YARS1: variants seen among roughly 807,000 people sequenced by gnomAD.
The protein encoded by YARS1 is tyrosyl-tRNA synthetase 1, also known as tyrosine--tRNA ligase, cytoplasmic.
YARS1 carries 36 observed loss-of-function variants against 62.2 expected under a neutral mutation model. The ratio of observed to expected loss-of-function variants is 0.58; its 90% CI spans 0.44 to 0.76. The LOEUF is 0.76. Ranked by LOEUF, YARS1 falls within the 30% of genes least tolerant of loss-of-function variation. The pLI is 0.00. For synonymous variants in YARS1, 234 were observed against 244.9 expected, an observed-to-expected ratio of 0.96 and a Z score of 0.42; for missense variants, 524 against 639.8, an observed-to-expected ratio of 0.82 and a Z score of 1.95.
intron 5 of YARS1, 197 bp downstream of exon 5, chr1:32,797,565 AC>A (rs1653646330): frequency 1.7e-6 from 1 of 603,076 alleles, no homozygotes; most frequent in Non-Finnish European, 3.0e-6. Flanking sequence ...AGATCTGGGT[AC>A]TAATAATTCC....
At chr1:32,784,273 C>T (rs1447469664) in intron 8 of YARS1, among the ~76,000 whole-genome samples, 1 of 151,950 alleles carries the variant, frequency 6.6e-6, no homozygotes, top group Admixed American at 6.6e-5. Flanking sequence ...CCTTGGCCTC[C>T]CAAAGTGCTG....
intron 6 of YARS1, chr1:32,790,803 A>G (rs1653390601): frequency 7.4e-6 from 2 of 271,332 alleles, no homozygotes; most frequent in African/African-American, 4.5e-5. Flanking sequence ...ATATTAAAAG[A>G]TATCATAATA....
At position 32,817,261 on chromosome 1, in the gene YARS1, C is replaced by A; in HGVS notation, c.-17G>T. On this transcript the variant is annotated 5_prime_UTR_variant, in exon 1 of 13. Coordinates refer to ENST00000373477, the MANE Select transcript of YARS1 (RefSeq NM_003680.4). The stretch of plus-strand genomic sequence containing the variant: ...GTCCCCCATGGCTCCGCTACCCCTG[C>A]TTCCCCCGCTCAGCCCGGCACCAGA... 1.2e-6 allele frequency: 2 copies of A among 1,613,866 alleles called. No homozygotes were observed. Among genetic ancestry groups the A allele is most frequent in the Non-Finnish European group, 1.7e-6 (2 of 1,179,970 alleles).
intron 1 of YARS1, among the ~76,000 whole-genome samples, chr1:32,815,243 G>A (rs182747765): frequency 1.2e-4 from 18 of 152,260 alleles, no homozygotes; most frequent in Non-Finnish European, 1.9e-4. Flanking sequence ...CAGCTACTCA[G>A]GAGGCTGAGG....
At chr1:32,803,341 A>T (rs993099369) in intron 4 of YARS1, among the ~76,000 whole-genome samples, 1 of 145,278 alleles carries the variant, frequency 6.9e-6, no homozygotes, top group Non-Finnish European at 1.5e-5. Context: ...CATGTTGGTC[A>T]GGCTGGTCTC....
At chr1:32,792,212 CA>C (rs1289660705) in intron 5 of YARS1, among the ~76,000 whole-genome samples, 2 of 152,132 alleles carry the variant, frequency 1.3e-5, no homozygotes, top group African/African-American at 4.8e-5. Context: ...TAGCTCCAAT[CA>C]AAGTAGAGAA....
Position 32,779,411 on chromosome 1 carries a change from G to A in YARS1, c.1447C>T (p.Pro483Ser). ...AACTTCTCGAAGACTTTCTTCTTGG[G>A]CTTGAGCTCCTCATCTGGTTGGCCC... Reference protein sequence around the residue: ...EKGQPDEELKPKKKVFEKLQA... With the variant: ...EKGQPDEELKSKKKVFEKLQA... The change falls in exon 12 of 13, where the codon CCC (proline) becomes TCC (serine). Residue 483 changes from proline to serine, a missense_variant. Transcript: ENST00000373477. 1.2e-6 allele frequency: 2 copies of A among 1,614,184 alleles called. No homozygotes were observed. The highest frequency in any genetic ancestry group is 4.5e-5 in the East Asian group (2 of 44,884).
At chr1:32,800,598 T>C (rs1299006730) in intron 4 of YARS1, among the ~76,000 whole-genome samples, 5 of 152,140 alleles carry the variant, frequency 3.3e-5, no homozygotes, top group East Asian at 1.9e-4. Context: ...TTTCTTTTTT[T>C]TTTTGGAGAT....
At chr1:32,798,791 C>T (rs1020544749) in intron 4 of YARS1, among the ~76,000 whole-genome samples, 1 of 151,668 alleles carries the variant, frequency 6.6e-6, no homozygotes, top group African/African-American at 2.4e-5. Context: ...CCACTGCACC[C>T]GAGCCTGGGA....
At chr1:32,790,961 C>T in intron 6 of YARS1, 2 of 583,744 alleles carry the variant, frequency 3.4e-6, no homozygotes, top group East Asian at 5.8e-5. Flanking sequence ...CAGCAAAAAC[C>T]ATTAAGTTAT....
At chr1:32,786,144 C>T (rs1257485688) in intron 8 of YARS1, among the ~76,000 whole-genome samples, 1 of 152,100 alleles carries the variant, frequency 6.6e-6, no homozygotes, top group Non-Finnish European at 1.5e-5. Flanking sequence ...TCTGTATTAA[C>T]AAAATTCCTA....
At chr1:32,795,134 A>G (rs1338674596) in intron 5 of YARS1, among the ~76,000 whole-genome samples, 2 of 151,686 alleles carry the variant, frequency 1.3e-5, no homozygotes, top group African/African-American at 2.4e-5. Flanking sequence ...CTTGGCTAAC[A>G]CGGTGAAACC....
chr1:32,817,054 C>G, intron 1 of YARS1, 134 bp downstream of exon 1: 1 of 1,162,566 alleles, frequency 8.6e-7, no homozygotes, highest in South Asian at 1.2e-5. Flanking sequence ...GCAGTGAGAT[C>G]TACAGGCTCT....
At chr1:32,797,264 T>C (rs1357894596) in intron 5 of YARS1, among the ~76,000 whole-genome samples, 1 of 150,922 alleles carries the variant, frequency 6.6e-6, no homozygotes, top group Non-Finnish European at 1.5e-5. Context: ...CCCAGCTACT[T>C]GGGAGGCTGA....
At chr1:32,785,217 T>C (rs1653181271) in intron 8 of YARS1, among the ~76,000 whole-genome samples, 1 of 152,144 alleles carries the variant, frequency 6.6e-6, no homozygotes, top group Non-Finnish European at 1.5e-5. Flanking sequence ...CCCAGCACTC[T>C]GGGAGGCCGA....
chr1:32,803,292 T>G (rs1167326752), intron 4 of YARS1, among the ~76,000 whole-genome samples: 2 of 151,134 alleles, frequency 1.3e-5, no homozygotes, highest in Non-Finnish European at 3.0e-5. Context: ...TCTTCTTTTT[T>G]TTTTTTTTTT....
At chr1:32,802,198 C>T (rs978921271) in intron 4 of YARS1, among the ~76,000 whole-genome samples, 5 of 152,050 alleles carry the variant, frequency 3.3e-5, no homozygotes, top group East Asian at 1.9e-4. Context: ...CCGTCCGCCT[C>T]GGCCTCCCAA....
Position 32,776,238 on chromosome 1 carries a change from C to A in YARS1, c.1477-147G>T, listed in dbSNP as rs1652855349. 1 of 723,776 alleles carries A rather than the reference C, an allele frequency of 1.4e-6. No individual in the cohort carries two copies. Among genetic ancestry groups the A allele is most frequent in the Non-Finnish European group, 2.5e-6 (1 of 405,908 alleles). The allele number at this position is 723,776 out of a possible 1,614,324, so 44.8% of individuals were successfully genotyped here. ...TCTTGGCTCACCGCAACCTCTGCCT[C>A]CCAGGTTCAAGCGATTCTCCTGCCT... On this transcript the variant is annotated intron_variant, in intron 12 of 12. Coordinates refer to ENST00000373477, the MANE Select transcript of YARS1 (RefSeq NM_003680.4). This position sits in a 1 kb window ranked among gnomAD's most constrained non-coding sequence, Gnocchi z 4.0.
intron 4 of YARS1, chr1:32,798,074 G>C (rs771024239): frequency 4.3e-6 from 2 of 469,110 alleles, no homozygotes; most frequent in Non-Finnish European, 7.8e-6. Context: ...GTTTTGCCAT[G>C]TTGCCCAGGC....
Sources: gnomAD v4.1 joint callset for allele counts (sites outside exome capture counted in the v4.1 genomes callset) on GRCh38, gnomAD v4.1.1 for gene constraint, Gnocchi (gnomAD v3.1) non-coding constraint, MANE v1.5 for transcripts, NCBI Gene and HGNC (gene_info 2026-07-23, HGNC 2026-07-21) for gene names.